The following DYTN variants were observed in gnomAD, a reference collection of about 807,000 sequenced individuals.
The protein encoded by DYTN is dystrotelin.
Under a neutral mutation model 69.6 loss-of-function variants are expected in DYTN, and 75 were observed. That is an observed-to-expected ratio of 1.08 (90% confidence interval 0.89 to 1.31). DYTN has a LOEUF of 1.31. Among genes scored for constraint, DYTN ranks in the 50% most tolerant of loss-of-function variants. The pLI, the probability that DYTN is intolerant of heterozygous loss-of-function variation, is 0.00. For missense variants in DYTN, 726 were observed against 688.4 expected (o/e 1.05, Z -0.61); for synonymous variants, 252 against 249.1 (o/e 1.01, Z -0.11).
intron 11 of DYTN, among the ~76,000 whole-genome samples, chr2:206,655,431 A>T (rs1699436849): frequency 6.6e-6 from 1 of 151,746 alleles, no homozygotes; most frequent in Non-Finnish European, 1.5e-5. Context: ...TTTCTTTGAG[A>T]TAGGGTCTTG....
chr2:206,707,843 T>C (rs1240055006), intron 2 of DYTN, among the ~76,000 whole-genome samples: 1 of 152,324 alleles, frequency 6.6e-6, no homozygotes, highest in African/African-American at 2.4e-5. Context: ...GTTATGACAC[T>C]GTGGTAAAAA....
At chr2:206,694,346 G>A (rs994043917) in intron 8 of DYTN, among the ~76,000 whole-genome samples, 2 of 151,990 alleles carry the variant, frequency 1.3e-5, no homozygotes, top group Non-Finnish European at 2.9e-5. Flanking sequence ...GAAATTTAGG[G>A]TTCAGGAAAA....
intron 11 of DYTN, among the ~76,000 whole-genome samples, chr2:206,658,101 C>T (rs933266335): frequency 4.6e-5 from 7 of 151,826 alleles, no homozygotes; most frequent in Non-Finnish European, 8.8e-5. Context: ...TTTGGGTTTG[C>T]TGATTTTTCT....
intron 9 of DYTN, among the ~76,000 whole-genome samples, chr2:206,689,013 T>C (rs1404198850): frequency 1.3e-5 from 2 of 152,220 alleles, no homozygotes; most frequent in African/African-American, 4.8e-5. Flanking sequence ...TGGGGTTTCT[T>C]AGTAATTCAC....
chr2:206,711,000 T>C (rs1700074500), intron 1 of DYTN, among the ~76,000 whole-genome samples: 2 of 152,244 alleles, frequency 1.3e-5, no homozygotes, highest in South Asian at 4.1e-4. Flanking sequence ...CATCTACTCA[T>C]GCATTTAGCC....
At chr2:206,695,933 C>T (rs13021904) in intron 7 of DYTN, among the ~76,000 whole-genome samples, 9,668 of 152,258 alleles carry the variant, frequency 0.063, 443 homozygotes, top group Non-Finnish European at 0.089. Context: ...GTTTTCAACA[C>T]CTCTCTTAAG....
chr2:206,698,812 T>C (rs1015433459), intron 7 of DYTN, among the ~76,000 whole-genome samples: 2 of 152,244 alleles, frequency 1.3e-5, no homozygotes, highest in Non-Finnish European at 2.9e-5. Flanking sequence ...AGATCAAGCC[T>C]GAGTTGTTCT....
At chr2:206,663,454 T>C (rs1172512678) in intron 10 of DYTN, 59 bp from the exon 11 acceptor site, 9 of 1,473,678 alleles carry the variant, frequency 6.1e-6, no homozygotes, top group Admixed American at 2.7e-5. Context: ...TTTTCATAAA[T>C]GCATTACATT....
At chr2:206,658,375 C>A (rs954488229) in intron 11 of DYTN, among the ~76,000 whole-genome samples, 2 of 152,074 alleles carry the variant, frequency 1.3e-5, no homozygotes, top group African/African-American at 4.8e-5. Context: ...CTATGTTTCT[C>A]TATTACTTCT....
chr2:206,681,340 G>A (rs1309522626), intron 9 of DYTN, among the ~76,000 whole-genome samples: 1 of 152,016 alleles, frequency 6.6e-6, no homozygotes, highest in Non-Finnish European at 1.5e-5. Flanking sequence ...TTGACTTCCT[G>A]TCTTCCTATT....
chr2:206,693,443 GA>G (rs1319439141), intron 8 of DYTN, 120 bp from the exon 9 acceptor site: 2 of 1,283,686 alleles, frequency 1.6e-6, no homozygotes, highest in Non-Finnish European at 2.1e-6. Context: ...TAAGTCCTCA[GA>G]AAAATAATCT....
intron 1 of DYTN, among the ~76,000 whole-genome samples, chr2:206,717,281 G>A (rs950670408): frequency 2.0e-5 from 3 of 152,144 alleles, no homozygotes; most frequent in African/African-American, 7.2e-5. Flanking sequence ...CAGATACTAA[G>A]GTGGATATAA....
At chr2:206,691,882 T>A (rs932707092) in intron 9 of DYTN, among the ~76,000 whole-genome samples, 2 of 152,198 alleles carry the variant, frequency 1.3e-5, no homozygotes, top group African/African-American at 4.8e-5. Context: ...ATTAGAGAAT[T>A]ATAAAAGAAA....
intron 9 of DYTN, among the ~76,000 whole-genome samples, chr2:206,692,040 C>T (rs538675426): frequency 6.6e-6 from 1 of 152,016 alleles, no homozygotes; most frequent in African/African-American, 2.4e-5. Flanking sequence ...TTTGGGAGGC[C>T]GAGGTGGGAA....
intron 1 of DYTN, among the ~76,000 whole-genome samples, chr2:206,711,597 T>C (rs941003381): frequency 6.6e-6 from 1 of 152,164 alleles, no homozygotes; most frequent in African/African-American, 2.4e-5. Flanking sequence ...TTCTTTTTTT[T>C]ATTATACTTT....
chr2:206,670,556 C>T (rs1699619535), intron 9 of DYTN: 1 of 151,848 alleles, frequency 6.6e-6, no homozygotes, highest in Admixed American at 6.6e-5. Flanking sequence ...TAGTGCTGAC[C>T]ATGGTCTAGA....
intron 1 of DYTN, among the ~76,000 whole-genome samples, chr2:206,711,402 T>A (rs991243541): frequency 2.0e-5 from 3 of 152,192 alleles, no homozygotes. Flanking sequence ...TTAGTTCTGT[T>A]CCTTCCTTTT....
intron 9 of DYTN, among the ~76,000 whole-genome samples, chr2:206,673,997 C>G (rs2105891491): frequency 6.6e-6 from 1 of 152,310 alleles, no homozygotes; most frequent in Admixed American, 6.5e-5. Flanking sequence ...CACCAGCACA[C>G]TACTGTTGCA....
chr2:206,687,221 TG>T, intron 9 of DYTN: 1 of 157,294 alleles, frequency 6.4e-6, no homozygotes. Flanking sequence ...GGCACTGAGC[TG>T]GGGGATTGCA....
Sources: allele counts gnomAD v4.1 joint callset (sites outside exome capture counted in the v4.1 genomes callset), GRCh38; gene constraint gnomAD v4.1.1; transcripts MANE v1.5; gene names NCBI Gene and HGNC (gene_info 2026-07-23, HGNC 2026-07-21).